Variants in STAG1 observed in about 807,000 individuals in gnomAD.
STAG1 encodes cohesin subunit SA-1.
Under a neutral mutation model 170.9 loss-of-function variants are expected in STAG1, and 26 were observed. The ratio of observed to expected loss-of-function variants is 0.15; its 90% CI spans 0.11 to 0.21. The LOEUF is 0.21. Among genes scored for constraint, STAG1 ranks in the 10% least tolerant of loss-of-function variants. The probability of loss-of-function intolerance (pLI) is 1.00; values close to 1 mark genes in which losing one functional copy is unlikely to be tolerated. For synonymous variants in STAG1, 514 were observed against 497.7 expected (o/e 1.03, Z -0.44); for missense variants, 964 against 1,509.5 (o/e 0.64, Z 5.99).
chr3:136,550,112 T>C (rs1936323049), intron 5 of STAG1, among the ~76,000 whole-genome samples: 1 of 152,166 alleles, frequency 6.6e-6, no homozygotes, highest in Non-Finnish European at 1.5e-5. Context: ...TGTGATGTCT[T>C]TTCTTGGCTT....
rs191902423 is a variant in STAG1, at chr3:136,614,146, G to A, written c.132+9000C>T. Among the ~76,000 whole-genome samples, 125 of 152,288 alleles carry A rather than the reference G, an allele frequency of 8.2e-4. 1 individual carries two copies. Among genetic ancestry groups the A allele is most frequent in the Middle Eastern group, 6.8e-3 (2 of 294 alleles). ...CAGGAGAATTGCTTGAACCCGGGAG[G>A]CGGAGGTTGCAGTGAGCCAAGATTG... On this transcript the variant is annotated intron_variant, in intron 3 of 33. Coordinates refer to ENST00000383202, the MANE Select transcript of STAG1 (RefSeq NM_005862.3).
chr3:136,620,480 G>A (rs1939793814), intron 3 of STAG1, among the ~76,000 whole-genome samples: 1 of 152,160 alleles, frequency 6.6e-6, no homozygotes, highest in African/African-American at 2.4e-5. Flanking sequence ...TCAAATCCTA[G>A]CTTTCCCATT....
rs565159372 is a variant in STAG1 at position 136,486,433 on chromosome 3, C to T, written c.903-9021G>A. Among the ~76,000 whole-genome samples the T allele has an allele frequency of 5.3e-5, 8 of 152,270 alleles. No homozygotes were observed. In the South Asian group the frequency reaches 1.5e-3, roughly 28 times the overall value. ...AGCTAACAGTAGCAAAAATAAAACT[C>T]CCCTCAAAAACCAAAACACAACTAC... On this transcript the variant is annotated intron_variant, in intron 9 of 33. Coordinates refer to ENST00000383202, the MANE Select transcript of STAG1 (RefSeq NM_005862.3).
intron 1 of STAG1, chr3:136,737,011 A>T: frequency 1.3e-6 from 2 of 1,579,540 alleles, no homozygotes; most frequent in East Asian, 4.5e-5. Flanking sequence ...CAAGATGGAT[A>T]ACTGCCGCTT....
intron 7 of STAG1, 50 bp from the exon 8 acceptor site, chr3:136,502,829 T>C (rs752193877): frequency 5.8e-6 from 8 of 1,372,612 alleles, no homozygotes; most frequent in East Asian, 5.4e-5. Context: ...ACTTTATCCA[T>C]ATAAGATTAC....
intron 13 of STAG1, among the ~76,000 whole-genome samples, chr3:136,461,799 T>C (rs1166028919): frequency 6.6e-6 from 1 of 152,162 alleles, no homozygotes; most frequent in Non-Finnish European, 1.5e-5. Flanking sequence ...ACTATTCATC[T>C]GACAAGGGAT....
chr3:136,443,326 T>C lies in STAG1; in HGVS notation c.1507A>G (p.Thr503Ala). Reference protein sequence around the residue: ...QELLKDWECMTELLLEEPVQG... With the variant: ...QELLKDWECMAELLLEEPVQG... ...ACAGGTTCTTCTAATAGCAACTCTG[T>C]CATACATTCCCAGTCTTTCAACAGT... Residue 503 changes from threonine (T) to alanine (A), a missense_variant, in exon 15 of 34, where the codon ACA becomes GCA. Thr to Ala is a moderately conservative substitution (Grantham distance 58). Coordinates refer to ENST00000383202, the MANE Select transcript of STAG1 (RefSeq NM_005862.3). 1 of 1,613,876 alleles carries C rather than the reference T, an allele frequency of 6.2e-7. No homozygotes were observed. Among genetic ancestry groups the C allele is most frequent in the Non-Finnish European group, 8.5e-7 (1 of 1,179,874 alleles).
chr3:136,703,387 G>A (rs2107910598), intron 1 of STAG1, among the ~76,000 whole-genome samples: 1 of 152,288 alleles, frequency 6.6e-6, no homozygotes, highest in Middle Eastern at 3.4e-3. Flanking sequence ...TGATGTCAGG[G>A]TGGACAATAA....
At chr3:136,516,758 A>G (rs1184486483) in intron 7 of STAG1, among the ~76,000 whole-genome samples, 2 of 152,232 alleles carry the variant, frequency 1.3e-5, no homozygotes, top group Non-Finnish European at 2.9e-5. Flanking sequence ...GCAGCTTACT[A>G]AATGCCAAGC....
chr3:136,448,083 C>A (rs2088835985), intron 14 of STAG1, among the ~76,000 whole-genome samples: 1 of 152,146 alleles, frequency 6.6e-6, no homozygotes, highest in Admixed American at 6.6e-5. Context: ...CTTAAAAAAT[C>A]ACCTTTTGGT....
intron 7 of STAG1, among the ~76,000 whole-genome samples, chr3:136,511,067 T>C (rs1035467286): frequency 6.6e-6 from 1 of 152,192 alleles, no homozygotes; most frequent in Non-Finnish European, 1.5e-5. Context: ...CCACTGCACC[T>C]GGCCTGAGAT....
rs947254296 is a variant in STAG1, at chr3:136,468,666, T to C, written c.1206-3678A>G. Among the ~76,000 whole-genome samples the C allele has an allele frequency of 3.3e-5, 5 of 149,552 alleles. No homozygotes were observed. The South Asian group carries it at 1.0e-3, about 31-fold the overall frequency. ...TCCCTAACTCTCCCTGTTATGTCCC[T>C]GGCAGACACATAACAAAAAAAGAGA... On this transcript the variant is annotated intron_variant, in intron 12 of 33. Transcript: ENST00000383202.
intron 1 of STAG1, chr3:136,737,167 T>G (rs1934389284): frequency 1.3e-6 from 1 of 760,020 alleles, no homozygotes; most frequent in Admixed American, 1.7e-5. Context: ...TTCACCTCAC[T>G]GTAGAAGGTC....
rs145879576 is a variant in STAG1 at position 136,736,213 on chromosome 3, C to T, written c.-84+15982G>A. Reference sequence around the variant, plus strand: ...TCACAATTCAGTGAAGTACAAAACACTGAGTTACAGGCTGTGGGAAGAGAA... The same window carrying T: ...TCACAATTCAGTGAAGTACAAAACATTGAGTTACAGGCTGTGGGAAGAGAA... On this transcript the variant is annotated intron_variant, in intron 1 of 33. Transcript: ENST00000383202. Among the ~76,000 whole-genome samples the T allele has an allele frequency of 2.4e-3, 363 of 152,328 alleles. 4 individuals are homozygous for T. The highest frequency in any genetic ancestry group is 4.3e-3 in the Admixed American group (66 of 15,298).
chr3:136,517,694 T>G (rs1468623641), intron 7 of STAG1, among the ~76,000 whole-genome samples: 1 of 152,056 alleles, frequency 6.6e-6, no homozygotes, highest in East Asian at 1.9e-4. Flanking sequence ...AGTCTCAGAT[T>G]GTAAATCCAC....
intron 12 of STAG1, among the ~76,000 whole-genome samples, chr3:136,468,668 G>A (rs1042866908): frequency 6.6e-6 from 1 of 151,876 alleles, no homozygotes; most frequent in Admixed American, 6.6e-5. Flanking sequence ...TATGTCCCTG[G>A]CAGACACATA....
At chr3:136,615,657 A>T (rs1939554179) in intron 3 of STAG1, among the ~76,000 whole-genome samples, 1 of 151,220 alleles carries the variant, frequency 6.6e-6, no homozygotes, top group Admixed American at 6.6e-5. Flanking sequence ...GGGCACCTGT[A>T]GTCCCAGCTA....
rs571381250 is a variant in STAG1, at chr3:136,588,722, G to T, written c.297+15587C>A. Reference sequence around the variant, plus strand: ...AACTCACCACAACCTCCGCCTCCCGGGTTCAAGTGATTCTGCTGCCCAGCC... The same window carrying T: ...AACTCACCACAACCTCCGCCTCCCGTGTTCAAGTGATTCTGCTGCCCAGCC... On this transcript the variant is annotated intron_variant, in intron 4 of 33. Coordinates refer to ENST00000383202, the MANE Select transcript of STAG1 (RefSeq NM_005862.3). Among the ~76,000 whole-genome samples, 255 of 151,914 alleles carry T rather than the reference G, an allele frequency of 1.7e-3. 3 individuals carry two copies. The highest frequency in any genetic ancestry group is 1.6e-3 in the East Asian group (8 of 5,148).
Position 136,369,132 on chromosome 3 carries a change from G to A in STAG1, c.2521C>T (p.Gln841Ter). The A allele has an allele frequency of 6.4e-7, 1 of 1,566,888 alleles. No individual in the cohort carries two copies. Among genetic ancestry groups the A allele is most frequent in the Non-Finnish European group, 8.6e-7 (1 of 1,162,176 alleles). ...CCCATGCTCTGGTTCTCCTCGTCTT[G>A]GTCAATAAAAACGTGATCCATCACA... is the stretch of plus-strand genomic sequence containing the variant. ...SFVMDHVFIDQDEENQSMEGD... is the reference protein window; with the variant it reads ...SFVMDHVFID The change falls in exon 24 of 34, where the codon CAA becomes TAA. Residue 841 changes from glutamine (Q) to a stop codon, truncating the protein, a stop_gained. Coordinates refer to ENST00000383202, the MANE Select transcript of STAG1 (RefSeq NM_005862.3). LOFTEE classifies it high-confidence loss of function.
Sources: allele counts gnomAD v4.1 joint callset (sites outside exome capture counted in the v4.1 genomes callset), GRCh38; gene constraint gnomAD v4.1.1; transcripts MANE v1.5; gene names NCBI Gene and HGNC (gene_info 2026-07-23, HGNC 2026-07-21).